Variants in GRM1 observed in about 807,000 individuals in gnomAD.
GRM1 encodes glutamate metabotropic receptor 1.
GRM1 carries 33 observed loss-of-function variants against 90.9 expected under a neutral mutation model. The ratio of observed to expected loss-of-function variants is 0.36; its 90% CI spans 0.28 to 0.49. The LOEUF (loss-of-function observed/expected upper bound fraction) is 0.49, where lower values mean the gene tolerates loss of function less well. Ranked by LOEUF, GRM1 falls within the 20% of genes least tolerant of loss-of-function variation. GRM1 has a pLI of 0.99. For missense variants in GRM1, 1,190 were observed against 1,534.3 expected (o/e 0.78, Z 3.75); for synonymous variants, 700 against 613.2 (o/e 1.14, Z -2.09).
At chr6:146,238,821 A>G (rs1258741220) in intron 2 of GRM1, among the ~76,000 whole-genome samples, 1 of 152,078 alleles carries the variant, frequency 6.6e-6, no homozygotes, top group Non-Finnish European at 1.5e-5. Context: ...TGCATTTAAC[A>G]CATTTTATGC....
At chr6:146,366,139 T>C (rs1583393835) in intron 5 of GRM1, among the ~76,000 whole-genome samples, 1 of 152,204 alleles carries the variant, frequency 6.6e-6, no homozygotes, top group East Asian at 1.9e-4. Context: ...ATCAAATGCA[T>C]ATTTCAAATG....
At chr6:146,192,268 G>A (rs942570068) in intron 2 of GRM1, among the ~76,000 whole-genome samples, 1 of 152,142 alleles carries the variant, frequency 6.6e-6, no homozygotes, top group African/African-American at 2.4e-5. Context: ...TAGGATAAAT[G>A]GGATTATTAT....
rs1407684257 is a variant in GRM1, at chr6:146,096,923, A to G, written c.701-62425A>G. Reference sequence around the variant, plus strand: ...TGGTCTGAAAACACTCTGTGAATTTACTTTTTTTTCACAGATTGTTGCTTA... The same window carrying G: ...TGGTCTGAAAACACTCTGTGAATTTGCTTTTTTTTCACAGATTGTTGCTTA... On this transcript the variant is annotated intron_variant, in intron 1 of 7. Transcript: ENST00000282753. 2.6e-5 allele frequency among the ~76,000 whole-genome samples: 4 copies of G among 152,134 alleles called. No individual in the cohort carries two copies. In the East Asian group the frequency reaches 7.7e-4, roughly 29 times the overall value.
chr6:146,038,427 A>G (rs150680898), intron 1 of GRM1, among the ~76,000 whole-genome samples: 17 of 152,104 alleles, frequency 1.1e-4, no homozygotes, highest in Admixed American at 1.0e-3. Flanking sequence ...AGTTTATTAT[A>G]CAGATAAGAT....
chr6:146,267,255 A>G (rs558607400), intron 2 of GRM1, among the ~76,000 whole-genome samples: 1 of 152,150 alleles, frequency 6.6e-6, no homozygotes, highest in East Asian at 1.9e-4. Flanking sequence ...TCCATGGTGT[A>G]TATGTACGGC....
At chr6:146,347,874 G>A (rs1017276154) in intron 3 of GRM1, among the ~76,000 whole-genome samples, 10 of 152,316 alleles carry the variant, frequency 6.6e-5, no homozygotes, top group Non-Finnish European at 1.3e-4. Flanking sequence ...CCACAATGGA[G>A]AGCCTGCGTG....
chr6:146,351,996 C>T (rs554070870), intron 3 of GRM1, among the ~76,000 whole-genome samples: 41 of 152,278 alleles, frequency 2.7e-4, no homozygotes, highest in African/African-American at 9.6e-4. Flanking sequence ...CCTTTATTTT[C>T]GCCTCTGTGG....
intron 7 of GRM1, among the ~76,000 whole-genome samples, chr6:146,402,372 G>A (rs1777188404): frequency 6.6e-6 from 1 of 152,028 alleles, no homozygotes; most frequent in Non-Finnish European, 1.5e-5. Flanking sequence ...ATGTGAGACT[G>A]TAATTTTAGT....
chr6:146,203,847 C>T (rs1482100182), intron 2 of GRM1, among the ~76,000 whole-genome samples: 1 of 152,134 alleles, frequency 6.6e-6, no homozygotes, highest in Non-Finnish European at 1.5e-5. Flanking sequence ...ATGTAAATTC[C>T]CACAATGTTG....
At chr6:146,410,718 A>C (rs1305120049) in intron 7 of GRM1, among the ~76,000 whole-genome samples, 1 of 152,202 alleles carries the variant, frequency 6.6e-6, no homozygotes, top group Non-Finnish European at 1.5e-5. Flanking sequence ...GGAAGTGCAG[A>C]GAGCGTATTC....
At chr6:146,352,612 C>T (rs1785446619) in intron 4 of GRM1, 116 bp downstream of exon 4, 1 of 1,009,634 alleles carries the variant, frequency 9.9e-7, no homozygotes. Context: ...ATAGATACAA[C>T]TAGGTAGCAA....
intron 2 of GRM1, among the ~76,000 whole-genome samples, chr6:146,270,912 T>TTTCTTTCTTCCTTC: frequency 1.2e-5 from 1 of 86,864 alleles, no homozygotes; most frequent in African/African-American, 5.6e-5. Context: ...TTTCTTTCTT[T>TTTCTTTCTTCCTTC]CTTCCTTCCT....
At chr6:146,398,296 G>A (rs1338326905) in intron 6 of GRM1, among the ~76,000 whole-genome samples, 1 of 152,184 alleles carries the variant, frequency 6.6e-6, no homozygotes, top group Admixed American at 6.5e-5. Flanking sequence ...AAAACACTCT[G>A]CTGGCCAAAA....
intron 1 of GRM1, among the ~76,000 whole-genome samples, chr6:146,068,048 G>C (rs1322636148): frequency 6.6e-6 from 1 of 152,042 alleles, no homozygotes; most frequent in Non-Finnish European, 1.5e-5. Context: ...AAACAACTCT[G>C]ATATTTGGCA....
At chr6:146,145,230 C>T (rs1352201787) in intron 1 of GRM1, among the ~76,000 whole-genome samples, 1 of 152,090 alleles carries the variant, frequency 6.6e-6, no homozygotes. Context: ...GATGAAGAAA[C>T]CAAGATTGTA....
At chr6:146,361,327 C>A (rs1775460459) in intron 5 of GRM1, among the ~76,000 whole-genome samples, 1 of 152,142 alleles carries the variant, frequency 6.6e-6, no homozygotes, top group South Asian at 2.1e-4. Context: ...TCTCCGAGTG[C>A]TGATAGCCAA....
At chr6:146,324,435 G>T (rs993147245) in intron 3 of GRM1, among the ~76,000 whole-genome samples, 5 of 151,314 alleles carry the variant, frequency 3.3e-5, no homozygotes, top group Non-Finnish European at 7.4e-5. Flanking sequence ...GGCTCCACTG[G>T]GGAAAAAAAA....
intron 5 of GRM1, among the ~76,000 whole-genome samples, chr6:146,382,277 T>C (rs1420786082): frequency 2.0e-5 from 3 of 150,440 alleles, no homozygotes; most frequent in Non-Finnish European, 3.0e-5. Context: ...TTTGTCACTT[T>C]GGGGGAAACT....
chr6:146,336,259 A>T (rs117781628), intron 3 of GRM1, among the ~76,000 whole-genome samples: 1 of 152,164 alleles, frequency 6.6e-6, no homozygotes, highest in Non-Finnish European at 1.5e-5. Flanking sequence ...GTTCTCAAGA[A>T]GCAGAGCCAG....
Sources: allele counts gnomAD v4.1 joint callset (sites outside exome capture counted in the v4.1 genomes callset), GRCh38; gene constraint gnomAD v4.1.1; transcripts MANE v1.5; gene names NCBI Gene and HGNC (gene_info 2026-07-23, HGNC 2026-07-21).